The following BARX2 variants were observed in gnomAD, a reference collection of about 807,000 sequenced individuals.
The protein encoded by BARX2 is homeobox protein BarH-like 2.
In BARX2, 11 loss-of-function variants were observed where a neutral mutation model predicts 25.5. The observed-to-expected ratio is 0.43, with a 90% CI of 0.27 to 0.71. The LOEUF is 0.71. BARX2 is among the 30% of genes least tolerant of loss of function. The pLI is 0.19. For synonymous variants in BARX2, 137 were observed against 149.5 expected (o/e 0.92, Z 0.61); for missense variants, 360 against 359.9 (o/e 1.00, Z 0.00).
chr11:129,401,415 G>A (rs1861774361), intron 1 of BARX2, among the ~76,000 whole-genome samples: 1 of 152,124 alleles, frequency 6.6e-6, no homozygotes. Flanking sequence ...TGGAAAATAG[G>A]TAAAGTGGCT....
intron 3 of BARX2, 65 bp from the exon 4 acceptor site, chr11:129,451,070 TG>T: frequency 6.4e-7 from 1 of 1,565,780 alleles, no homozygotes; most frequent in South Asian, 1.2e-5. Flanking sequence ...GAGGTTATAC[TG>T]GGAGTGGAAA....
intron 3 of BARX2, among the ~76,000 whole-genome samples, chr11:129,449,958 G>A (rs991153163): frequency 1.1e-4 from 16 of 152,158 alleles, no homozygotes; most frequent in South Asian, 4.1e-4. Context: ...GAAGGAGGGC[G>A]GATGGTATAT....
At chr11:129,433,457 T>TA (rs1565520341) in intron 1 of BARX2, among the ~76,000 whole-genome samples, 1 of 152,200 alleles carries the variant, frequency 6.6e-6, no homozygotes, top group East Asian at 1.9e-4. Context: ...ATGGCTTTTT[T>TA]AAAAATCACA....
chr11:129,400,489 T>C (rs1429470429), intron 1 of BARX2, among the ~76,000 whole-genome samples: 1 of 151,974 alleles, frequency 6.6e-6, no homozygotes, highest in South Asian at 2.1e-4. Context: ...GAGGGGAAAA[T>C]GTGACCAAAG....
chr11:129,415,486 A>G (rs549833344), intron 1 of BARX2, among the ~76,000 whole-genome samples: 2 of 152,212 alleles, frequency 1.3e-5, no homozygotes, highest in African/African-American at 4.8e-5. Context: ...ATAAGCAATA[A>G]GAATGGTTCT....
chr11:129,440,384 G>A (rs904799941), intron 2 of BARX2, among the ~76,000 whole-genome samples: 10 of 152,194 alleles, frequency 6.6e-5, no homozygotes, highest in Admixed American at 5.9e-4. Flanking sequence ...AACTGGGCTC[G>A]GGAAGGCACC....
chr11:129,410,129 G>A (rs1388346982), intron 1 of BARX2, among the ~76,000 whole-genome samples: 2 of 152,092 alleles, frequency 1.3e-5, no homozygotes, highest in Non-Finnish European at 2.9e-5. Flanking sequence ...ACCTAGTGTT[G>A]TTAATATTAC....
chr11:129,391,342 C>A (rs1415412989), intron 1 of BARX2, among the ~76,000 whole-genome samples: 1 of 152,152 alleles, frequency 6.6e-6, no homozygotes, highest in Non-Finnish European at 1.5e-5. Context: ...TGGAACACAG[C>A]ACATGCACCA....
intron 1 of BARX2, among the ~76,000 whole-genome samples, chr11:129,412,905 T>C (rs571921686): frequency 1.2e-4 from 18 of 152,210 alleles, no homozygotes; most frequent in Non-Finnish European, 2.5e-4. Context: ...CAGTATATGT[T>C]CTCAAGAAAC....
At chr11:129,391,350 C>G (rs1861663857) in intron 1 of BARX2, among the ~76,000 whole-genome samples, 1 of 152,174 alleles carries the variant, frequency 6.6e-6, no homozygotes, top group African/African-American at 2.4e-5. Flanking sequence ...AGCACATGCA[C>G]CAGTCTGCGT....
chr11:129,430,651 CT>C (rs1862118582), intron 1 of BARX2, among the ~76,000 whole-genome samples: 1 of 152,168 alleles, frequency 6.6e-6, no homozygotes, highest in Non-Finnish European at 1.5e-5. Flanking sequence ...AGCACCTCCC[CT>C]GGCATCTCCT....
intron 1 of BARX2, among the ~76,000 whole-genome samples, chr11:129,418,965 T>C (rs1174052904): frequency 1.3e-5 from 2 of 152,238 alleles, no homozygotes; most frequent in East Asian, 3.8e-4. Flanking sequence ...CGTGTGGAGT[T>C]TGCACGTTCT....
chr11:129,378,914 A>G (rs1255914433), intron 1 of BARX2, among the ~76,000 whole-genome samples: 5 of 152,028 alleles, frequency 3.3e-5, no homozygotes, highest in Non-Finnish European at 5.9e-5. Context: ...AGGTCAATTT[A>G]TGGTACCAAA....
Position 129,376,833 on chromosome 11 carries a change from A to C in BARX2, c.187+611A>C, listed in dbSNP as rs893811407. Among the ~76,000 whole-genome samples the C allele has an allele frequency of 6.6e-6, 1 of 152,232 alleles. No individual in the cohort carries two copies. Among genetic ancestry groups the C allele is most frequent in the Non-Finnish European group, 1.5e-5 (1 of 68,036 alleles). On this transcript the variant is annotated intron_variant, in intron 1 of 3. Coordinates refer to ENST00000281437, the MANE Select transcript of BARX2 (RefSeq NM_003658.5). The surrounding 1 kb of genome is among the most constrained non-coding windows in gnomAD (Gnocchi z 4.2). ...CGAAAAGGTCACCCTCGTTTGTCTT[A>C]AGTGACCAAAACCAGCAATGGTAAC...
At chr11:129,405,876 A>G (rs1418159703) in intron 1 of BARX2, among the ~76,000 whole-genome samples, 2 of 152,202 alleles carry the variant, frequency 1.3e-5, no homozygotes, top group African/African-American at 4.8e-5. Flanking sequence ...CAGATCATGT[A>G]CCATCTCCTT....
At chr11:129,406,324 C>A (rs1282323771) in intron 1 of BARX2, among the ~76,000 whole-genome samples, 1 of 152,198 alleles carries the variant, frequency 6.6e-6, no homozygotes, top group Non-Finnish European at 1.5e-5. Context: ...AGAAAAATGG[C>A]TCAAAGAGAT....
intron 1 of BARX2, among the ~76,000 whole-genome samples, chr11:129,394,831 A>G (rs979941651): frequency 1.3e-5 from 2 of 152,146 alleles, no homozygotes; most frequent in African/African-American, 2.4e-5. Flanking sequence ...TATTTCTAAC[A>G]TATTTTTAGC....
chr11:129,375,968 C>A lies in BARX2; in HGVS notation c.-68C>A. On this transcript the variant is annotated 5_prime_UTR_variant, in exon 1 of 4. Transcript: ENST00000281437. This position sits in a 1 kb window ranked among gnomAD's most constrained non-coding sequence, Gnocchi z 4.0. ...GCCCAGGCCCCGCCGTCGCGCCAGC[C>A]CCGCGGCCCCAGCGGGCCGGGCACT... is the stretch of plus-strand genomic sequence containing the variant. 7 of 994,846 alleles carry A rather than the reference C, an allele frequency of 7.0e-6. 1 individual carries two copies. The highest frequency in any genetic ancestry group is 8.5e-6 in the Non-Finnish European group (7 of 824,030). The allele number at this position is 994,846 out of a possible 1,614,324, so 61.6% of individuals were successfully genotyped here. A position where few individuals can be genotyped will look rare whatever the true frequency, so the allele number is the denominator to read the frequency against.
rs911535941 is a variant in BARX2, at chr11:129,449,429, G to A, written c.574-1707G>A. On this transcript the variant is annotated intron_variant, in intron 3 of 3. Transcript: ENST00000281437. ...ATAGAAGACAAGAAGATTAGGCTAG[G>A]TTTATAAATAGCGAAAATATCTCCC... 2.6e-5 allele frequency among the ~76,000 whole-genome samples: 4 copies of A among 152,118 alleles called. No individual in the cohort carries two copies. The East Asian group carries it at 7.7e-4, about 29-fold the overall frequency.
Sources: gnomAD v4.1 joint callset for allele counts (sites outside exome capture counted in the v4.1 genomes callset) on GRCh38, gnomAD v4.1.1 for gene constraint, Gnocchi (gnomAD v3.1) non-coding constraint, MANE v1.5 for transcripts, NCBI Gene and HGNC (gene_info 2026-07-23, HGNC 2026-07-21) for gene names.